The following NRXN1 variants were observed in gnomAD, a reference collection of about 807,000 sequenced individuals.
NRXN1 encodes the protein neurexin-1.
NRXN1 carries 39 observed loss-of-function variants against 150.9 expected under a neutral mutation model. That is an observed-to-expected ratio of 0.26 (90% confidence interval 0.20 to 0.34). The LOEUF (loss-of-function observed/expected upper bound fraction) is 0.34, where lower values mean the gene tolerates loss of function less well. Ranked by LOEUF, NRXN1 falls within the 10% of genes least tolerant of loss-of-function variation. NRXN1 has a pLI of 1.00. For synonymous variants in NRXN1, 924 were observed against 757.0 expected, an observed-to-expected ratio of 1.22 and a Z score of -3.62; for missense variants, 1,815 against 1,949.9, an observed-to-expected ratio of 0.93 and a Z score of 1.30.
At chr2:50,603,786 T>G (rs1676661085) in intron 8 of NRXN1, among the ~76,000 whole-genome samples, 1 of 152,276 alleles carries the variant, frequency 6.6e-6, no homozygotes, top group South Asian at 2.1e-4. Flanking sequence ...AAAACCCTAG[T>G]GCTCATAGAA....
At chr2:50,982,420 G>C (rs953968589) in intron 2 of NRXN1, among the ~76,000 whole-genome samples, 2 of 152,048 alleles carry the variant, frequency 1.3e-5, no homozygotes, top group African/African-American at 4.8e-5. Flanking sequence ...CTTCACAGCA[G>C]AATGTACACT....
At position 49,918,915 on chromosome 2, in the gene NRXN1, T is replaced by G. The variant is rs1048944023; in HGVS notation, c.*3029A>C. 1 of 152,094 alleles carries G rather than the reference T, an allele frequency of 6.6e-6. No homozygotes were observed. 9.4% of individuals were successfully genotyped at this position (152,094 alleles called of 1,614,324 possible). A position where few individuals can be genotyped will look rare whatever the true frequency, so the allele number is the denominator to read the frequency against. On this transcript the variant is annotated 3_prime_UTR_variant, in exon 23 of 23. Coordinates refer to ENST00000401669, the MANE Select transcript of NRXN1 (RefSeq NM_001330078.2). ...AACAGTAAATTCCACTTGCTTAGCATTTCCAATAATGGATAAATTGGCCTT... is the reference window on the plus strand; with the variant it reads ...AACAGTAAATTCCACTTGCTTAGCAGTTCCAATAATGGATAAATTGGCCTT...
chr2:50,018,864 G>A (rs1052750616), intron 21 of NRXN1, among the ~76,000 whole-genome samples: 1 of 152,084 alleles, frequency 6.6e-6, no homozygotes, highest in African/African-American at 2.4e-5. Flanking sequence ...AGAGAAATAG[G>A]CACAGAAAAA....
At chr2:50,093,406 C>T (rs1396465424) in intron 18 of NRXN1, among the ~76,000 whole-genome samples, 1 of 150,602 alleles carries the variant, frequency 6.6e-6, no homozygotes, top group African/African-American at 2.5e-5. Context: ...TGTTCAAGCC[C>T]AGGAGTTGGA....
At chr2:50,009,718 G>C (rs1312641823) in intron 21 of NRXN1, among the ~76,000 whole-genome samples, 1 of 152,062 alleles carries the variant, frequency 6.6e-6, no homozygotes, top group Non-Finnish European at 1.5e-5. Flanking sequence ...AATCATAATA[G>C]TCGCCTGACA....
At chr2:50,158,353 T>A (rs957154352) in intron 18 of NRXN1, among the ~76,000 whole-genome samples, 3 of 151,592 alleles carry the variant, frequency 2.0e-5, no homozygotes, top group Non-Finnish European at 2.9e-5. Flanking sequence ...ATACCTTAGT[T>A]AAGACAATCA....
At chr2:50,545,332 T>G (rs1340410456) in intron 9 of NRXN1, among the ~76,000 whole-genome samples, 3 of 152,198 alleles carry the variant, frequency 2.0e-5, no homozygotes, top group Admixed American at 1.3e-4. Flanking sequence ...TAAATATCAA[T>G]CAAATAACAT....
Position 50,329,661 on chromosome 2 carries a change from ATATATATATATATT to A in NRXN1, c.3365-92705_3365-92692del, listed in dbSNP as rs1287381288. ...TATATATATATATATATATATATAT[ATATATATATATATT>A]TTTTTTTTTCCCCCCCGAGACGGAG... On this transcript the variant is annotated intron_variant, in intron 17 of 22. Coordinates refer to ENST00000401669, the MANE Select transcript of NRXN1 (RefSeq NM_001330078.2). 6.8e-3 allele frequency among the ~76,000 whole-genome samples: 191 copies of A among 27,988 alleles called. 11 individuals are homozygous for A. The highest frequency in any genetic ancestry group is 0.013 in the South Asian group (7 of 538). The allele number at this position is 27,988 out of a possible 152,430, so 18.4% of individuals were successfully genotyped here. A position where few individuals can be genotyped will look rare whatever the true frequency, so the allele number is the denominator to read the frequency against.
chr2:50,808,244 A>T (rs1372498059), intron 5 of NRXN1, among the ~76,000 whole-genome samples: 1 of 152,148 alleles, frequency 6.6e-6, no homozygotes, highest in East Asian at 1.9e-4. Flanking sequence ...ATTTGACATC[A>T]TGTTATGGAT....
At chr2:50,813,938 T>C (rs1668572714) in intron 5 of NRXN1, among the ~76,000 whole-genome samples, 1 of 152,072 alleles carries the variant, frequency 6.6e-6, no homozygotes, top group African/African-American at 2.4e-5. Context: ...AGAAGCTTAG[T>C]TGTTTCTACC....
chr2:50,128,851 C>T (rs974329768), intron 18 of NRXN1, among the ~76,000 whole-genome samples: 2 of 151,552 alleles, frequency 1.3e-5, no homozygotes, highest in Non-Finnish European at 2.9e-5. Flanking sequence ...GGCATGGTGG[C>T]GGGCGCCTGT....
chr2:50,471,721 G>A (rs924381365), intron 16 of NRXN1, among the ~76,000 whole-genome samples: 1 of 151,680 alleles, frequency 6.6e-6, no homozygotes, highest in Admixed American at 6.6e-5. Context: ...CAGACACTGG[G>A]GCCTACTGGA....
intron 18 of NRXN1, among the ~76,000 whole-genome samples, chr2:50,149,914 C>T (rs540074975): frequency 6.6e-6 from 1 of 151,704 alleles, no homozygotes; most frequent in Non-Finnish European, 1.5e-5. Flanking sequence ...ATTTAACTCA[C>T]TGCCTGTATG....
intron 5 of NRXN1, among the ~76,000 whole-genome samples, chr2:50,778,265 T>A (rs1273003914): frequency 6.6e-6 from 1 of 152,080 alleles, no homozygotes; most frequent in African/African-American, 2.4e-5. Context: ...AAGATGAAAT[T>A]CACCCAACTC....
intron 17 of NRXN1, among the ~76,000 whole-genome samples, chr2:50,308,603 C>T (rs2074873442): frequency 6.6e-6 from 1 of 152,128 alleles, no homozygotes; most frequent in Admixed American, 6.5e-5. Context: ...ATCCTTCCAC[C>T]TCAGCCTCCC....
intron 5 of NRXN1, among the ~76,000 whole-genome samples, chr2:50,771,375 C>A (rs931126402): frequency 2.0e-5 from 3 of 151,978 alleles, no homozygotes; most frequent in African/African-American, 7.2e-5. Context: ...TGTCTTCAAG[C>A]AACTTAACAA....
At chr2:50,098,880 T>G in intron 18 of NRXN1, among the ~76,000 whole-genome samples, 1 of 80,886 alleles carries the variant, frequency 1.2e-5, no homozygotes, top group African/African-American at 5.2e-5. Flanking sequence ...TTTTTTTTTT[T>G]TTGGCTAGTT....
At chr2:50,096,818 G>T (rs1421274415) in intron 18 of NRXN1, among the ~76,000 whole-genome samples, 1 of 152,084 alleles carries the variant, frequency 6.6e-6, no homozygotes, top group Non-Finnish European at 1.5e-5. Context: ...CACTGGGAAG[G>T]TCCCTGAAAT....
intron 8 of NRXN1, chr2:50,554,320 G>T (rs1295879644): frequency 6.6e-6 from 1 of 152,050 alleles, no homozygotes; most frequent in Non-Finnish European, 1.5e-5. Context: ...CCAAACCCAT[G>T]GCCAACTGAA....
Sources: allele counts gnomAD v4.1 joint callset (sites outside exome capture counted in the v4.1 genomes callset), GRCh38; gene constraint gnomAD v4.1.1; transcripts MANE v1.5; gene names NCBI Gene and HGNC (gene_info 2026-07-23, HGNC 2026-07-21).